Variants in EYA4 observed in about 807,000 individuals in gnomAD.
EYA4 encodes protein phosphatase EYA4.
In EYA4, 31 loss-of-function variants were observed where a neutral mutation model predicts 87.9. The observed-to-expected ratio is 0.35, with a 90% CI of 0.27 to 0.48. The LOEUF is 0.48. EYA4 is among the 20% of genes least tolerant of loss of function. The pLI is 0.99. For missense variants in EYA4, 678 were observed against 761.4 expected (o/e 0.89, Z 1.29); for synonymous variants, 263 against 270.6 (o/e 0.97, Z 0.28).
chr6:133,370,466 T>C (rs1399209574), intron 2 of EYA4, among the ~76,000 whole-genome samples: 1 of 152,224 alleles, frequency 6.6e-6, no homozygotes, highest in Non-Finnish European at 1.5e-5. Context: ...ACATAGGAAC[T>C]GAGCAAGCCA....
At chr6:133,421,002 A>G (rs1302266496) in intron 3 of EYA4, among the ~76,000 whole-genome samples, 3 of 152,354 alleles carry the variant, frequency 2.0e-5, no homozygotes, top group South Asian at 2.1e-4. Flanking sequence ...GCCTGCCTCC[A>G]CATCAAGCTT....
chr6:133,427,543 C>T (rs79030763), intron 3 of EYA4, among the ~76,000 whole-genome samples: 4,825 of 152,188 alleles, frequency 0.032, 263 homozygotes, highest in East Asian at 0.23. Flanking sequence ...TTTTGCAAGT[C>T]TTTCCTAAAT....
chr6:133,266,282 G>A (rs183931952), intron 1 of EYA4, among the ~76,000 whole-genome samples: 38 of 152,126 alleles, frequency 2.5e-4, no homozygotes, highest in African/African-American at 9.2e-4. Flanking sequence ...CGTTAGGCAC[G>A]GAGAACATCA....
In EYA4 at chr6:133,472,465, G is replaced by A. The variant is rs1456614815; in HGVS notation, c.970+3734G>A. 5.4e-4 allele frequency among the ~76,000 whole-genome samples: 50 copies of A among 92,536 alleles called. 2 individuals carry two copies. The highest frequency in any genetic ancestry group is 2.6e-3 in the African/African-American group (46 of 17,996). The allele number at this position is 92,536 out of a possible 152,430, so 60.7% of individuals were successfully genotyped here. A position where few individuals can be genotyped will look rare whatever the true frequency, so the allele number is the denominator to read the frequency against. ...TGCACTGTGGTCTGAGAGATAGTCT[G>A]TTATAATTTCTGTTCTTTTACATTT... On this transcript the variant is annotated intron_variant, in intron 11 of 19. Transcript: ENST00000355286.
intron 2 of EYA4, among the ~76,000 whole-genome samples, chr6:133,324,960 G>C (rs1241475083): frequency 7.2e-6 from 1 of 138,580 alleles, no homozygotes; most frequent in Non-Finnish European, 1.5e-5. Context: ...CCCCAGACTG[G>C]AGTGCAGTGG....
chr6:133,424,248 C>A (rs531663308), intron 3 of EYA4, among the ~76,000 whole-genome samples: 56 of 152,312 alleles, frequency 3.7e-4, no homozygotes, highest in African/African-American at 1.3e-3. Flanking sequence ...AAGTGCCTGC[C>A]AAATGGTCCA....
Position 133,468,014 on chromosome 6 carries a change from G to C in EYA4, c.805-552G>C, listed in dbSNP as rs999104280. 2.6e-5 allele frequency among the ~76,000 whole-genome samples: 4 copies of C among 151,798 alleles called. No homozygotes were observed. In the South Asian group the frequency reaches 8.3e-4, roughly 32 times the overall value. On this transcript the variant is annotated intron_variant, in intron 10 of 19. Transcript: ENST00000355286. ...TCAGGTGGCATGTAGTTTGTGAGAG[G>C]CTGGGTAAAAAAAAAATAATAATAT...
chr6:133,256,419 A>G (rs1446206767), intron 1 of EYA4, among the ~76,000 whole-genome samples: 1 of 151,966 alleles, frequency 6.6e-6, no homozygotes, highest in East Asian at 1.9e-4. Context: ...ATTGGTGAGA[A>G]CTTATGAGGA....
intron 2 of EYA4, among the ~76,000 whole-genome samples, chr6:133,351,141 C>T: frequency 6.6e-6 from 1 of 152,036 alleles, no homozygotes; most frequent in South Asian, 2.1e-4. Context: ...ATTTTAGAGG[C>T]TTGTTTTTAA....
chr6:133,425,039 G>A (rs915684783), intron 3 of EYA4, among the ~76,000 whole-genome samples: 1 of 150,740 alleles, frequency 6.6e-6, no homozygotes, highest in Non-Finnish European at 1.5e-5. Flanking sequence ...GTATCAATGG[G>A]TCATTCCTTT....
intron 2 of EYA4, among the ~76,000 whole-genome samples, chr6:133,310,103 C>T (rs1035680848): frequency 6.6e-6 from 1 of 152,074 alleles, no homozygotes; most frequent in African/African-American, 2.4e-5. Flanking sequence ...GTGAGGAGGT[C>T]AATTTTACTT....
chr6:133,247,734 A>C (rs1206032472), intron 1 of EYA4: 4 of 151,942 alleles, frequency 2.6e-5, no homozygotes, highest in Non-Finnish European at 4.4e-5. Flanking sequence ...CCCAGTAGAG[A>C]AATGTGCCAC....
intron 5 of EYA4, chr6:133,453,542 T>A: frequency 6.6e-6 from 1 of 152,058 alleles, no homozygotes; most frequent in Non-Finnish European, 1.5e-5. Flanking sequence ...AAATAGTTGT[T>A]TATTATTACC....
intron 13 of EYA4, among the ~76,000 whole-genome samples, chr6:133,488,549 A>G (rs781130083): frequency 6.6e-6 from 1 of 152,130 alleles, no homozygotes; most frequent in Non-Finnish European, 1.5e-5. Flanking sequence ...AGCTCAACAC[A>G]AGAGAGAGAC....
intron 1 of EYA4, among the ~76,000 whole-genome samples, chr6:133,259,112 C>T (rs566005147): frequency 1.3e-5 from 2 of 152,218 alleles, no homozygotes; most frequent in African/African-American, 4.8e-5. Flanking sequence ...TTATATCTGC[C>T]TTCCACTTAA....
chr6:133,312,384 A>G (rs1176461167), intron 2 of EYA4, among the ~76,000 whole-genome samples: 1 of 83,918 alleles, frequency 1.2e-5, no homozygotes, highest in Non-Finnish European at 3.2e-5. Flanking sequence ...AGGCGCGTGC[A>G]CACACACACA....
At chr6:133,505,069 C>G (rs1798476110) in intron 13 of EYA4, among the ~76,000 whole-genome samples, 1 of 152,170 alleles carries the variant, frequency 6.6e-6, no homozygotes, top group African/African-American at 2.4e-5. Flanking sequence ...TGCTAACACC[C>G]ATCTGGTCTC....
At chr6:133,314,449 T>C (rs907608416) in intron 2 of EYA4, among the ~76,000 whole-genome samples, 2 of 152,202 alleles carry the variant, frequency 1.3e-5, no homozygotes, top group African/African-American at 4.8e-5. Flanking sequence ...AGATTAGTCA[T>C]GAATGTCTTC....
chr6:133,282,866 A>G (rs1328357303), intron 2 of EYA4, among the ~76,000 whole-genome samples: 1 of 152,196 alleles, frequency 6.6e-6, no homozygotes, highest in East Asian at 1.9e-4. Context: ...GTGAGTTGTC[A>G]AGATCCCTGG....
Sources: allele counts gnomAD v4.1 joint callset (sites outside exome capture counted in the v4.1 genomes callset), GRCh38; gene constraint gnomAD v4.1.1; transcripts MANE v1.5; gene names NCBI Gene and HGNC (gene_info 2026-07-23, HGNC 2026-07-21).